The following RYR2 variants were observed in gnomAD, a reference collection of about 807,000 sequenced individuals.
The protein encoded by RYR2 is ryanodine receptor 2, also known as cardiac muscle ryanodine receptor-calcium release channel.
Under a neutral mutation model 601.1 loss-of-function variants are expected in RYR2, and 227 were observed. That is an observed-to-expected ratio of 0.38 (90% CI 0.34 to 0.42). The LOEUF is 0.42. RYR2 is among the 10% of genes least tolerant of loss of function. The probability of loss-of-function intolerance (pLI) is 1.00; values close to 1 mark genes in which losing one functional copy is unlikely to be tolerated. For missense variants in RYR2, 4,646 were observed against 6,156.5 expected (o/e 0.75, Z 8.21); for synonymous variants, 2,223 against 2,175.1 (o/e 1.02, Z -0.61).
Position 237,670,227 on chromosome 1 carries a change from G to A in RYR2, c.8590+2269G>A, listed in dbSNP as rs902673030. Reference sequence around the variant, plus strand: ...TCAGGCAGGGAGGTTGCAGTGAGCCGAGATGGCAGCTGTACAGTCCAGCTT... The same window carrying A: ...TCAGGCAGGGAGGTTGCAGTGAGCCAAGATGGCAGCTGTACAGTCCAGCTT... On this transcript the variant is annotated intron_variant, in intron 58 of 104. Transcript: ENST00000366574. 7.9e-5 allele frequency among the ~76,000 whole-genome samples: 12 copies of A among 151,252 alleles called. No homozygotes were observed. In the South Asian group the frequency reaches 8.4e-4, roughly 11 times the overall value.
At chr1:237,485,838 C>G (rs1255732223) in intron 17 of RYR2, among the ~76,000 whole-genome samples, 1 of 152,138 alleles carries the variant, frequency 6.6e-6, no homozygotes, top group Non-Finnish European at 1.5e-5. Context: ...ATATTCTATG[C>G]TAAGGGGAGT....
At chr1:237,193,983 T>TC (rs1212096503) in intron 1 of RYR2, among the ~76,000 whole-genome samples, 1 of 152,238 alleles carries the variant, frequency 6.6e-6, no homozygotes, top group Non-Finnish European at 1.5e-5. Flanking sequence ...TTTCCTTTTT[T>TC]CTTCTAAACT....
At chr1:237,759,272 G>A (rs553466010) in intron 82 of RYR2, among the ~76,000 whole-genome samples, 39 of 152,210 alleles carry the variant, frequency 2.6e-4, no homozygotes, top group African/African-American at 9.4e-4. Context: ...TTTTTTAGTA[G>A]AGACGGGGTT....
rs956728352 is a variant in RYR2, at chr1:237,401,703, G to A, written c.773+13520G>A. Among the ~76,000 whole-genome samples, 4 of 152,130 alleles carry A rather than the reference G, an allele frequency of 2.6e-5. No homozygotes were observed. In the South Asian group the frequency reaches 6.2e-4, roughly 24 times the overall value. On this transcript the variant is annotated intron_variant, in intron 10 of 104. Transcript: ENST00000366574. Reference sequence around the variant, plus strand: ...TTTATTATGTAAGAATGATGCATTCGATCATAGGCTACATGATGGAATTCA... The same window carrying A: ...TTTATTATGTAAGAATGATGCATTCAATCATAGGCTACATGATGGAATTCA...
intron 79 of RYR2, among the ~76,000 whole-genome samples, chr1:237,741,749 C>T (rs1691627520): frequency 6.6e-6 from 1 of 151,914 alleles, no homozygotes; most frequent in Non-Finnish European, 1.5e-5. Context: ...TTACAGGTGC[C>T]CGCCACCATG....
rs575620146 is a variant in RYR2 at position 237,381,086 on chromosome 1, A to G, written c.576+3651A>G. 5.3e-5 allele frequency among the ~76,000 whole-genome samples: 8 copies of G among 152,080 alleles called. No homozygotes were observed. The East Asian group carries it at 1.5e-3, about 29-fold the overall frequency. On this transcript the variant is annotated intron_variant, in intron 8 of 104. Coordinates refer to ENST00000366574, the MANE Select transcript of RYR2 (RefSeq NM_001035.3). ...AGAGTGAAATTCCATCTCAAAAGAA[A>G]AAAAAGAAATGATCTGGGCTTGGTG... is the stretch of plus-strand genomic sequence containing the variant.
intron 10 of RYR2, among the ~76,000 whole-genome samples, chr1:237,405,615 T>C (rs538313545): frequency 3.0e-4 from 46 of 152,292 alleles, no homozygotes; most frequent in Non-Finnish European, 3.7e-4. Flanking sequence ...AACTTGGTTA[T>C]GTATACCAGT....
intron 11 of RYR2, among the ~76,000 whole-genome samples, chr1:237,418,118 C>A (rs1705197256): frequency 6.6e-6 from 1 of 152,178 alleles, no homozygotes; most frequent in African/African-American, 2.4e-5. Flanking sequence ...TCTCGGTTCA[C>A]TGCAAGCTCC....
At chr1:237,103,446 G>A (rs1668339144) in intron 1 of RYR2, among the ~76,000 whole-genome samples, 1 of 152,200 alleles carries the variant, frequency 6.6e-6, no homozygotes, top group African/African-American at 2.4e-5. Flanking sequence ...ACAGGGGACA[G>A]GTTAGGGCTA....
chr1:237,045,700 T>C (rs922219817), intron 1 of RYR2, among the ~76,000 whole-genome samples: 1 of 152,138 alleles, frequency 6.6e-6, no homozygotes, highest in Non-Finnish European at 1.5e-5. Context: ...ATTTTAAAGA[T>C]TTTATTAACT....
chr1:237,425,958 A>G (rs1365914146), intron 12 of RYR2, among the ~76,000 whole-genome samples: 1 of 152,062 alleles, frequency 6.6e-6, no homozygotes, highest in East Asian at 1.9e-4. Context: ...TACTATCCCA[A>G]TATGTATGTA....
At chr1:237,094,800 A>C (rs10754592) in intron 1 of RYR2, among the ~76,000 whole-genome samples, 76,076 of 151,936 alleles carry the variant, frequency 0.5, 19,360 homozygotes, top group East Asian at 0.71. Flanking sequence ...ACCGTGTTAG[A>C]CAGGATGGTC....
chr1:237,172,303 G>T (rs2490357), intron 1 of RYR2, among the ~76,000 whole-genome samples: 67,955 of 151,982 alleles, frequency 0.45, 16,706 homozygotes, highest in Non-Finnish European at 0.55. Flanking sequence ...GACAGACAAG[G>T]TTTTATCATT....
chr1:237,279,022 A>G (rs1302983850), intron 2 of RYR2, among the ~76,000 whole-genome samples: 1 of 152,224 alleles, frequency 6.6e-6, no homozygotes, highest in African/African-American at 2.4e-5. Flanking sequence ...TACAGTCAGT[A>G]TATTTAATAT....
chr1:237,505,997 A>G (rs1665183685), intron 22 of RYR2, among the ~76,000 whole-genome samples: 1 of 152,194 alleles, frequency 6.6e-6, no homozygotes, highest in Admixed American at 6.5e-5. Context: ...ACGCTCAAAG[A>G]TCCGATGGAC....
chr1:237,165,721 G>T (rs1423821444), intron 1 of RYR2, among the ~76,000 whole-genome samples: 3 of 152,058 alleles, frequency 2.0e-5, no homozygotes, highest in Non-Finnish European at 4.4e-5. Context: ...AAAAACATTA[G>T]CCAGGCATGG....
At chr1:237,212,623 C>T (rs1180089668) in intron 1 of RYR2, among the ~76,000 whole-genome samples, 8 of 151,746 alleles carry the variant, frequency 5.3e-5, no homozygotes, top group South Asian at 2.1e-4. Flanking sequence ...GAAAAGGAAA[C>T]GTAGAAACAA....
At chr1:237,560,308 A>G (rs1039778280) in intron 27 of RYR2, among the ~76,000 whole-genome samples, 1 of 152,250 alleles carries the variant, frequency 6.6e-6, no homozygotes, top group African/African-American at 2.4e-5. Flanking sequence ...AAGGCTAACA[A>G]ATTGCCTCAG....
At chr1:237,208,952 A>G (rs189253894) in intron 1 of RYR2, among the ~76,000 whole-genome samples, 1,508 of 65,866 alleles carry the variant, frequency 0.023, 63 homozygotes, top group South Asian at 0.048. Flanking sequence ...ATATATATAT[A>G]TATATATATA....
Sources: allele counts gnomAD v4.1 joint callset (sites outside exome capture counted in the v4.1 genomes callset), GRCh38; gene constraint gnomAD v4.1.1; transcripts MANE v1.5; gene names NCBI Gene and HGNC (gene_info 2026-07-23, HGNC 2026-07-21).